Variants in SLIT3 observed in about 807,000 individuals in gnomAD.
SLIT3 encodes the protein slit guidance ligand 3.
In SLIT3, 68 loss-of-function variants were observed where a neutral mutation model predicts 184.0. That is an observed-to-expected ratio of 0.37 (90% CI 0.30 to 0.45). SLIT3 has a LOEUF of 0.45. Ranked by LOEUF, SLIT3 falls within the 20% of genes least tolerant of loss-of-function variation. The pLI is 1.00. For missense variants in SLIT3, 1,707 were observed against 2,026.0 expected (o/e 0.84, Z 3.02); for synonymous variants, 831 against 828.6 (o/e 1.00, Z -0.05).
intron 12 of SLIT3, among the ~76,000 whole-genome samples, chr5:168,780,864 C>T (rs1755944996): frequency 6.6e-6 from 1 of 152,186 alleles, no homozygotes; most frequent in Non-Finnish European, 1.5e-5. Context: ...CCTACTGAGG[C>T]TGGATGTGGG....
chr5:168,901,639 A>C (rs1216641001), intron 4 of SLIT3, among the ~76,000 whole-genome samples: 1 of 152,196 alleles, frequency 6.6e-6, no homozygotes, highest in African/African-American at 2.4e-5. Context: ...TGGTTTACAG[A>C]TGAGAAAATT....
At chr5:169,003,186 CA>C (rs1234737847) in intron 4 of SLIT3, among the ~76,000 whole-genome samples, 1 of 152,218 alleles carries the variant, frequency 6.6e-6, no homozygotes, top group East Asian at 1.9e-4. Flanking sequence ...CTAGAATACT[CA>C]GTGTGTCTGA....
At chr5:168,907,161 G>A (rs1293034022) in intron 4 of SLIT3, among the ~76,000 whole-genome samples, 1 of 152,132 alleles carries the variant, frequency 6.6e-6, no homozygotes, top group Non-Finnish European at 1.5e-5. Context: ...GCGCCCAGCT[G>A]GGATTTTTTT....
intron 1 of SLIT3, among the ~76,000 whole-genome samples, chr5:169,272,829 C>T (rs1280085521): frequency 6.6e-6 from 1 of 152,202 alleles, no homozygotes; most frequent in Non-Finnish European, 1.5e-5. Context: ...CCTCTGGGCC[C>T]CCGGGACCTG....
chr5:168,914,633 T>G (rs1289998405), intron 4 of SLIT3, among the ~76,000 whole-genome samples: 1 of 152,230 alleles, frequency 6.6e-6, no homozygotes, highest in Non-Finnish European at 1.5e-5. Flanking sequence ...AGCCAGTCCC[T>G]TCTCTTTTCT....
At chr5:168,996,265 C>T (rs757974564) in intron 4 of SLIT3, among the ~76,000 whole-genome samples, 4 of 152,134 alleles carry the variant, frequency 2.6e-5, no homozygotes, top group Non-Finnish European at 4.4e-5. Flanking sequence ...ACCTGCAGGC[C>T]TCCTCCCGAG....
chr5:168,936,699 G>A (rs1762169559), intron 4 of SLIT3, among the ~76,000 whole-genome samples: 1 of 152,134 alleles, frequency 6.6e-6, no homozygotes, highest in Admixed American at 6.5e-5. Flanking sequence ...TTCCTGTACT[G>A]GCCTGTTCCC....
chr5:169,232,744 G>C lies in SLIT3; in HGVS notation c.341+11961C>G, dbSNP rs1250589381. Reference sequence around the variant, plus strand: ...CTTCTATATCTGGGTCTTCTAGACTGTCTTTGCTTTTCTTGGTCATTTGCA... The same window carrying C: ...CTTCTATATCTGGGTCTTCTAGACTCTCTTTGCTTTTCTTGGTCATTTGCA... On this transcript the variant is annotated intron_variant, in intron 3 of 35. Coordinates refer to ENST00000519560, the MANE Select transcript of SLIT3 (RefSeq NM_003062.4). Among the ~76,000 whole-genome samples, 5 of 152,304 alleles carry C rather than the reference G, an allele frequency of 3.3e-5. No individual in the cohort carries two copies. In the East Asian group the frequency reaches 7.7e-4, roughly 24 times the overall value.
chr5:169,230,907 T>G (rs1302995844), intron 3 of SLIT3, among the ~76,000 whole-genome samples: 2 of 152,228 alleles, frequency 1.3e-5, no homozygotes, highest in Non-Finnish European at 2.9e-5. Flanking sequence ...CAGAAAAGGA[T>G]AAATATATTT....
intron 3 of SLIT3, among the ~76,000 whole-genome samples, chr5:169,211,465 T>C (rs760765529): frequency 1.3e-5 from 2 of 152,176 alleles, no homozygotes; most frequent in Non-Finnish European, 2.9e-5. Context: ...TATCCCTACA[T>C]GATCTGTCCA....
At chr5:168,692,749 C>A (rs1420358250) in intron 28 of SLIT3, 49 bp from the exon 29 acceptor site, 2 of 1,385,764 alleles carry the variant, frequency 1.4e-6, no homozygotes, top group Admixed American at 3.4e-5. Context: ...GGTAGGGATG[C>A]CCTGGCCAGA....
At chr5:168,677,225 TG>T (rs1761443351) in intron 32 of SLIT3, among the ~76,000 whole-genome samples, 3 of 152,220 alleles carry the variant, frequency 2.0e-5, no homozygotes. Flanking sequence ...TGTAAGCCCC[TG>T]TTTCTGCTTC....
chr5:169,279,239 A>G (rs907158654), intron 1 of SLIT3, among the ~76,000 whole-genome samples: 3 of 152,226 alleles, frequency 2.0e-5, no homozygotes, highest in Non-Finnish European at 4.4e-5. Context: ...CCAAAAACAA[A>G]GTGTGAGTGA....
chr5:169,092,631 C>G (rs1399095516), intron 4 of SLIT3, among the ~76,000 whole-genome samples: 2 of 152,168 alleles, frequency 1.3e-5, no homozygotes, highest in Admixed American at 1.3e-4. Flanking sequence ...AAAGCAGTGT[C>G]TGTCAGCACG....
chr5:168,736,369 G>A (rs1464777881), intron 20 of SLIT3, among the ~76,000 whole-genome samples: 1 of 152,190 alleles, frequency 6.6e-6, no homozygotes, highest in Non-Finnish European at 1.5e-5. Context: ...GTGCTGCTGT[G>A]CCCAGAGCTG....
At chr5:169,032,509 A>G (rs1181290087) in intron 4 of SLIT3, among the ~76,000 whole-genome samples, 2 of 145,316 alleles carry the variant, frequency 1.4e-5, no homozygotes, top group Non-Finnish European at 3.0e-5. Flanking sequence ...TGTGCCAGTC[A>G]TTTTTTTTTT....
At chr5:168,898,495 T>G (rs568138922) in intron 4 of SLIT3, among the ~76,000 whole-genome samples, 1 of 152,274 alleles carries the variant, frequency 6.6e-6, no homozygotes, top group Non-Finnish European at 1.5e-5. Context: ...AGCATATCAA[T>G]TAAGCATGTC....
At chr5:168,970,444 G>A (rs1581256330) in intron 4 of SLIT3, among the ~76,000 whole-genome samples, 1 of 150,852 alleles carries the variant, frequency 6.6e-6, no homozygotes, top group Non-Finnish European at 1.5e-5. Flanking sequence ...GCAGTGAGCT[G>A]AGATAGCGCC....
At chr5:168,740,270 G>A (rs1439905992) in intron 20 of SLIT3, among the ~76,000 whole-genome samples, 1 of 152,158 alleles carries the variant, frequency 6.6e-6, no homozygotes, top group East Asian at 1.9e-4. Context: ...CTCACCCAGG[G>A]TAGAACTGAA....
Sources: allele counts gnomAD v4.1 joint callset (sites outside exome capture counted in the v4.1 genomes callset), GRCh38; gene constraint gnomAD v4.1.1; transcripts MANE v1.5; gene names NCBI Gene and HGNC (gene_info 2026-07-23, HGNC 2026-07-21).